Variants in WIPI2 observed in about 807,000 individuals in gnomAD.
The protein encoded by WIPI2 is WD repeat domain, phosphoinositide interacting 2, also known as WD repeat domain phosphoinositide-interacting protein 2.
A neutral mutation model predicts 52.3 loss-of-function variants in WIPI2; 28 were observed. The ratio of observed to expected loss-of-function variants is 0.54; its 90% CI spans 0.40 to 0.73. The LOEUF is 0.73. Among genes scored for constraint, WIPI2 ranks in the 30% least tolerant of loss-of-function variants. The pLI is 0.00. For missense variants in WIPI2, 506 were observed against 602.9 expected (o/e 0.84, Z 1.68); for synonymous variants, 268 against 245.0 (o/e 1.09, Z -0.88).
At chr7:5,193,378 C>G in intron 2 of WIPI2, 1 of 1,348,952 alleles carries the variant, frequency 7.4e-7, no homozygotes, top group Non-Finnish European at 9.7e-7. Flanking sequence ...TTTTAAATGC[C>G]ATGTCTAAAA....
intron 8 of WIPI2, among the ~76,000 whole-genome samples, chr7:5,223,895 C>T (rs1051278410): frequency 4.6e-5 from 7 of 152,236 alleles, no homozygotes; most frequent in African/African-American, 1.7e-4. Context: ...ACCTGTGGGC[C>T]CGCCCTGTGC....
At chr7:5,202,779 G>A (rs188654215) in intron 3 of WIPI2, among the ~76,000 whole-genome samples, 9 of 152,124 alleles carry the variant, frequency 5.9e-5, no homozygotes, top group South Asian at 4.1e-4. Context: ...TTTTGTTGTC[G>A]TCATTTTTTG....
intron 3 of WIPI2, among the ~76,000 whole-genome samples, chr7:5,205,404 A>G (rs993821093): frequency 6.6e-6 from 1 of 152,204 alleles, no homozygotes; most frequent in Non-Finnish European, 1.5e-5. Flanking sequence ...GATGAGAGTT[A>G]TAGATCTATC....
chr7:5,199,447 G>T (rs768099136), intron 2 of WIPI2, 129 bp from the exon 3 acceptor site: 91 of 716,368 alleles, frequency 1.3e-4, no homozygotes, highest in Non-Finnish European at 2.0e-4. Flanking sequence ...GAAATGATTT[G>T]CTCTGTGCTG....
rs542346329 is a variant in WIPI2, at chr7:5,230,376, C to T, written c.1253-459C>T. 6.6e-6 allele frequency among the ~76,000 whole-genome samples: 1 copy of T among 152,324 alleles called. No individual in the cohort carries two copies. The highest frequency in any genetic ancestry group is 2.4e-5 in the African/African-American group (1 of 41,570). On this transcript the variant is annotated intron_variant, in intron 12 of 12. Coordinates refer to ENST00000288828, the MANE Select transcript of WIPI2 (RefSeq NM_015610.4). The surrounding 1 kb of genome is among the most constrained non-coding windows in gnomAD (Gnocchi z 4.8). ...CCAGCCACAGCCTTGGCTATGTGAG[C>T]CACCTTCTTAAAAAAGCCAACTCGC...
chr7:5,204,843 A>G (rs1252003984), intron 3 of WIPI2, among the ~76,000 whole-genome samples: 1 of 152,180 alleles, frequency 6.6e-6, no homozygotes, highest in East Asian at 1.9e-4. Context: ...CACCATGCCC[A>G]GCTAATTTTT....
chr7:5,217,230 T>G, intron 6 of WIPI2, 43 bp downstream of exon 6: 1 of 1,604,328 alleles, frequency 6.2e-7, no homozygotes, highest in Non-Finnish European at 8.5e-7. Context: ...AAAGTGTGGC[T>G]TTTTCCTGAA....
rs1156512313 is a variant in WIPI2, at chr7:5,229,609, C to A, written c.1123C>A (p.Leu375Met). 1.9e-6 allele frequency: 3 copies of A among 1,612,780 alleles called. No individual in the cohort carries two copies. The highest frequency in any genetic ancestry group is 2.5e-6 in the Non-Finnish European group (3 of 1,179,498). The change falls in exon 12 of 13, where the codon CTG becomes ATG. Residue 375 changes from leucine (L) to methionine (M), a missense_variant and splice_region_variant. Around this residue, in one of 4 missense-constraint regions of WIPI2, gnomAD observed 194 missense variants for 175.1 expected, o/e 1.11. Coordinates refer to ENST00000288828, the MANE Select transcript of WIPI2 (RefSeq NM_015610.4). ...GCTGTGTCGCTTTCTTCCCTCCAGG[C>A]TGGACGGCAGTCTGGAAACGACCAA... ...GECALMKQHR[L>M]DGSLETTNEI...
At chr7:5,212,778 A>G (rs1480015046) in intron 3 of WIPI2, among the ~76,000 whole-genome samples, 3 of 152,312 alleles carry the variant, frequency 2.0e-5, no homozygotes, top group East Asian at 1.9e-4. Flanking sequence ...TTGGCCTCCC[A>G]AAGTGCGGGG....
intron 7 of WIPI2, among the ~76,000 whole-genome samples, chr7:5,222,258 ATTT>A (rs1783180160): frequency 6.6e-6 from 1 of 152,162 alleles, no homozygotes; most frequent in South Asian, 2.1e-4. Context: ...CCAGGCTTTT[ATTT>A]TTAATAGTTT....
At chr7:5,201,707 T>C (rs1191015936) in intron 3 of WIPI2, among the ~76,000 whole-genome samples, 1 of 152,158 alleles carries the variant, frequency 6.6e-6, no homozygotes, top group Non-Finnish European at 1.5e-5. Context: ...GATTGTGCCA[T>C]TGCACTCCAG....
rs763920690 is a variant in WIPI2 at position 5,228,228 on chromosome 7, C to T, written c.1121+17C>T. 8.7e-6 allele frequency: 14 copies of T among 1,603,130 alleles called. No homozygotes were observed. Among genetic ancestry groups the T allele is most frequent in the Admixed American group, 5.2e-5 (3 of 58,240 alleles). Reference sequence around the variant, plus strand: ...GCAGCACCGGTGAGTCTGCTCCGGCCGCTTCACGGAGCTGCTCCGTGCTGG... The same window carrying T: ...GCAGCACCGGTGAGTCTGCTCCGGCTGCTTCACGGAGCTGCTCCGTGCTGG... On this transcript the variant is annotated intron_variant, in intron 11 of 12. Coordinates refer to ENST00000288828, the MANE Select transcript of WIPI2 (RefSeq NM_015610.4).
rs2115318599 is a variant in WIPI2 at position 5,227,468 on chromosome 7, T to A, written c.1013+124T>A. 7.5e-7 allele frequency: 1 copy of A among 1,332,580 alleles called. No individual in the cohort carries two copies. The allele number at this position is 1,332,580 out of a possible 1,614,324, so 82.5% of individuals were successfully genotyped here. On this transcript the variant is annotated intron_variant, in intron 10 of 12. Transcript: ENST00000288828. The surrounding 1 kb of genome is among the most constrained non-coding windows in gnomAD (Gnocchi z 8.1). ...GCAGCTTCTTAGAGCCGACACTCCATCGAGAGTTGTCGGGGATGGGAGGTC... is the reference window on the plus strand; with the variant it reads ...GCAGCTTCTTAGAGCCGACACTCCAACGAGAGTTGTCGGGGATGGGAGGTC...
Position 5,199,589 on chromosome 7 carries a change from G to A in WIPI2, c.142G>A (p.Gly48Ser). 1 of 1,612,986 alleles carries A rather than the reference G, an allele frequency of 6.2e-7. No homozygotes were observed. Among genetic ancestry groups the A allele is most frequent in the Non-Finnish European group, 8.5e-7 (1 of 1,179,794 alleles). Residue 48 changes from glycine to serine, a missense_variant, in exon 3 of 13, where the codon GGT becomes AGT. Gly to Ser is a moderately conservative substitution (Grantham distance 56). Transcript: ENST00000288828. ...GCTTTTTTGCAGGTCCCTAGCTGTT[G>A]GTAGTAAGTCCGGTTATAAATTTTT... ...RRAVVWSLAV[G>S]SKSGYKFFSL...
chr7:5,227,386 C>G lies in WIPI2; in HGVS notation c.1013+42C>G, dbSNP rs753509034. On this transcript the variant is annotated intron_variant, in intron 10 of 12. Transcript: ENST00000288828. The surrounding 1 kb of genome is among the most constrained non-coding windows in gnomAD (Gnocchi z 8.1). ...CCTCCGTCCCCCACCCCGTGTGCCT[C>G]AGGCCGAGGGGCCCAGTCCTGGCGG... 1.9e-6 allele frequency: 3 copies of G among 1,601,660 alleles called. No homozygotes were observed. In the Admixed American group the frequency reaches 5.0e-5, roughly 27 times the overall value.
chr7:5,219,282 C>G (rs372712642), intron 7 of WIPI2, among the ~76,000 whole-genome samples: 13 of 152,214 alleles, frequency 8.5e-5, no homozygotes, highest in African/African-American at 3.1e-4. Flanking sequence ...GACTTTGATT[C>G]TAATTATGCT....
At position 5,216,779 on chromosome 7, in the gene WIPI2, T is replaced by G. The variant is rs977693532; in HGVS notation, c.478+120T>G. On this transcript the variant is annotated intron_variant, in intron 5 of 12. Coordinates refer to ENST00000288828, the MANE Select transcript of WIPI2 (RefSeq NM_015610.4). ...GCAGATGAGACAGATTTTAAAAGTA[T>G]TGATCCCAAACCAAGCTGCCTTCCT... The G allele has an allele frequency of 1.3e-5, 13 of 1,012,454 alleles. 1 individual carries two copies. Among genetic ancestry groups the G allele is most frequent in the Middle Eastern group, 2.1e-4 (1 of 4,746 alleles). The allele number at this position is 1,012,454 out of a possible 1,614,324, so 62.7% of individuals were successfully genotyped here. A position where few individuals can be genotyped will look rare whatever the true frequency, so the allele number is the denominator to read the frequency against.
chr7:5,200,441 C>T lies in WIPI2; in HGVS notation c.211+783C>T, dbSNP rs1470324566. Among the ~76,000 whole-genome samples, 3 of 152,130 alleles carry T rather than the reference C, an allele frequency of 2.0e-5. No homozygotes were observed. In the East Asian group the frequency reaches 5.8e-4, roughly 29 times the overall value. ...CCCTGTTCTTCCCAGTGTAACATCT[C>T]GCAAAGCCCCAGTGTAATATCATAG... On this transcript the variant is annotated intron_variant, in intron 3 of 12. Coordinates refer to ENST00000288828, the MANE Select transcript of WIPI2 (RefSeq NM_015610.4).
chr7:5,226,485 T>C (rs1446899027), intron 9 of WIPI2: 2 of 155,202 alleles, frequency 1.3e-5, no homozygotes, highest in African/African-American at 4.8e-5. Flanking sequence ...GCCTCCTGAG[T>C]ACCTGGGACT....
Sources: allele counts gnomAD v4.1 joint callset (sites outside exome capture counted in the v4.1 genomes callset), GRCh38; gene constraint gnomAD v4.1.1; regional missense constraint gnomAD v4.1.1; non-coding constraint Gnocchi (gnomAD v3.1); transcripts MANE v1.5; gene names NCBI Gene and HGNC (gene_info 2026-07-23, HGNC 2026-07-21).